The following CHAT variants were observed in gnomAD, a reference collection of about 807,000 sequenced individuals.
The protein encoded by CHAT is choline O-acetyltransferase, also known as acetyl CoA:choline O-acetyltransferase.
Under a neutral mutation model 76.9 loss-of-function variants are expected in CHAT, and 61 were observed. That is an observed-to-expected ratio of 0.79 (90% CI 0.65 to 0.98). The LOEUF is 0.98. Ranked by LOEUF, CHAT falls within the 50% of genes least tolerant of loss-of-function variation. CHAT has a pLI of 0.00. For synonymous variants in CHAT, 407 were observed against 397.4 expected (o/e 1.02, Z -0.29); for missense variants, 946 against 986.9 (o/e 0.96, Z 0.56).
At chr10:49,615,732 C>T (rs1838465591) in intron 1 of CHAT, 1 of 455,134 alleles carries the variant, frequency 2.2e-6, no homozygotes, top group South Asian at 4.0e-5. Flanking sequence ...GCCTGGCTCA[C>T]TTCTACTGTA....
intron 5 of CHAT, among the ~76,000 whole-genome samples, chr10:49,622,902 A>C (rs1210234892): frequency 6.6e-6 from 1 of 152,170 alleles, no homozygotes; most frequent in Non-Finnish European, 1.5e-5. Context: ...TCTTTGTTCA[A>C]CTTGACTCAA....
intron 4 of CHAT, 132 bp from the exon 5 acceptor site, chr10:49,621,965 A>G: frequency 1.1e-6 from 1 of 885,188 alleles, no homozygotes; most frequent in Non-Finnish European, 1.8e-6. Context: ...GGGAGGGAGG[A>G]GGGAGGGAGA....
chr10:49,638,752 C>T (rs180684428), intron 7 of CHAT, among the ~76,000 whole-genome samples: 4 of 152,288 alleles, frequency 2.6e-5, no homozygotes, highest in Admixed American at 6.5e-5. Flanking sequence ...TAAATATTAT[C>T]TCTATATACA....
intron 7 of CHAT, among the ~76,000 whole-genome samples, chr10:49,628,047 G>A (rs893863470): frequency 6.6e-6 from 1 of 152,182 alleles, no homozygotes; most frequent in Admixed American, 6.5e-5. Flanking sequence ...TACTGGGCGG[G>A]GCGGGGGAGT....
Position 49,665,756 on chromosome 10 carries a change from C to T in CHAT, c.*710C>T, listed in dbSNP as rs1840327858. 1.3e-5 allele frequency among the ~76,000 whole-genome samples: 2 copies of T among 152,142 alleles called. No individual in the cohort carries two copies. Among genetic ancestry groups the T allele is most frequent in the Admixed American group, 1.3e-4 (2 of 15,272 alleles). On this transcript the variant is annotated 3_prime_UTR_variant, in exon 15 of 15. Transcript: ENST00000337653. ...GGAAAAAAAAATTTATCTGTGACTGCCCTGGAGTTGCTGCCACTCTCTGCT... is the reference window on the plus strand; with the variant it reads ...GGAAAAAAAAATTTATCTGTGACTGTCCTGGAGTTGCTGCCACTCTCTGCT...
At chr10:49,627,846 C>A in intron 7 of CHAT, 61 bp downstream of exon 7, 2 of 1,566,920 alleles carry the variant, frequency 1.3e-6, no homozygotes, top group East Asian at 2.3e-5. Context: ...ATTGGCTTTC[C>A]CTCCTCTAGG....
chr10:49,629,385 G>T (rs886734268), intron 7 of CHAT, among the ~76,000 whole-genome samples: 4 of 152,178 alleles, frequency 2.6e-5, no homozygotes, highest in African/African-American at 9.7e-5. Context: ...GCCAAAGAGG[G>T]GTGTGAGAGC....
At chr10:49,624,877 G>A (rs1838860857) in intron 5 of CHAT, among the ~76,000 whole-genome samples, 1 of 151,990 alleles carries the variant, frequency 6.6e-6, no homozygotes, top group African/African-American at 2.4e-5. Flanking sequence ...GGATAGATGT[G>A]TGGATGGTGG....
At chr10:49,631,336 C>T (rs1276042200) in intron 7 of CHAT, among the ~76,000 whole-genome samples, 1 of 152,196 alleles carries the variant, frequency 6.6e-6, no homozygotes, top group Non-Finnish European at 1.5e-5. Context: ...TGTGTGTCTT[C>T]ATGTGGTCTT....
At chr10:49,635,981 A>G (rs1839281419) in intron 7 of CHAT, among the ~76,000 whole-genome samples, 1 of 152,206 alleles carries the variant, frequency 6.6e-6, no homozygotes, top group African/African-American at 2.4e-5. Flanking sequence ...AAAAAATTAA[A>G]TGATCCCTAC....
At chr10:49,614,554 C>G in intron 1 of CHAT, 79 bp downstream of exon 1, 1 of 1,301,758 alleles carries the variant, frequency 7.7e-7, no homozygotes. Flanking sequence ...TATCCAGGGA[C>G]AGCACCGGGG....
chr10:49,618,035 T>C (rs1330259635), intron 2 of CHAT, among the ~76,000 whole-genome samples: 1 of 152,226 alleles, frequency 6.6e-6, no homozygotes, highest in Admixed American at 6.5e-5. Context: ...AACCCTTTAC[T>C]GTCTCATGGA....
At chr10:49,609,773 G>A (rs1469967807), upstream of CHAT, among the ~76,000 whole-genome samples, 1 of 152,152 alleles carries the variant, frequency 6.6e-6, no homozygotes, top group Admixed American at 6.5e-5. Flanking sequence ...TCGGAGAAAG[G>A]GTTGGGGGTG....
At chr10:49,653,266 G>C (rs943516695) in intron 11 of CHAT, among the ~76,000 whole-genome samples, 1 of 152,118 alleles carries the variant, frequency 6.6e-6, no homozygotes, top group African/African-American at 2.4e-5. Context: ...GGGAAATCAG[G>C]AGTGAAGGCA....
At chr10:49,641,923 T>C (rs1274643828) in intron 7 of CHAT, among the ~76,000 whole-genome samples, 9 of 152,200 alleles carry the variant, frequency 5.9e-5, no homozygotes, top group African/African-American at 1.4e-4. Flanking sequence ...CAGAGAGAGA[T>C]ACCAGGTGCT....
At chr10:49,652,904 C>T (rs1413894160) in intron 11 of CHAT, among the ~76,000 whole-genome samples, 1 of 152,124 alleles carries the variant, frequency 6.6e-6, no homozygotes, top group African/African-American at 2.4e-5. Context: ...CAGTTTCCAT[C>T]CCTCGAAGCC....
At chr10:49,611,611 A>T (rs1838299323), upstream of CHAT, 1 of 1,610,954 alleles carries the variant, frequency 6.2e-7, no homozygotes, top group African/African-American at 1.3e-5. Context: ...AGACCCCTAC[A>T]TTGCCGTGGT....
rs917968282 is a variant in CHAT, at chr10:49,621,858, G to A, written c.699-239G>A. ...TGGGCTCTCGGCATGGGGCTGGGGGGCAAGAACCACATCTGATTAGTGCAG... is the reference window on the plus strand; with the variant it reads ...TGGGCTCTCGGCATGGGGCTGGGGGACAAGAACCACATCTGATTAGTGCAG... On this transcript the variant is annotated intron_variant, in intron 4 of 14. Coordinates refer to ENST00000337653, the MANE Select transcript of CHAT (RefSeq NM_020549.5). 3.3e-5 allele frequency among the ~76,000 whole-genome samples: 5 copies of A among 151,470 alleles called. No individual in the cohort carries two copies. The South Asian group carries it at 8.3e-4, about 25-fold the overall frequency.
intron 9 of CHAT, 71 bp from the exon 10 acceptor site, chr10:49,649,437 A>T: frequency 6.2e-7 from 1 of 1,609,214 alleles, no homozygotes; most frequent in South Asian, 1.1e-5. Flanking sequence ...ATGATTGCAC[A>T]GAGCAAAGAA....
Sources: gnomAD v4.1 joint callset for allele counts (sites outside exome capture counted in the v4.1 genomes callset) on GRCh38, gnomAD v4.1.1 for gene constraint, MANE v1.5 for transcripts, NCBI Gene and HGNC (gene_info 2026-07-23, HGNC 2026-07-21) for gene names.